CCDC91: variants seen among roughly 807,000 people sequenced by gnomAD.
CCDC91 encodes the protein coiled-coil domain containing 91.
A neutral mutation model predicts 63.2 loss-of-function variants in CCDC91; 48 were observed. That is an observed-to-expected ratio of 0.76 (90% CI 0.60 to 0.97). CCDC91 has a LOEUF of 0.97. Ranked by LOEUF, CCDC91 falls within the 50% of genes least tolerant of loss-of-function variation. The pLI, the probability that CCDC91 is intolerant of heterozygous loss-of-function variation, is 0.00. For synonymous variants in CCDC91, 167 were observed against 165.8 expected (o/e 1.01, Z -0.06); for missense variants, 500 against 494.6 (o/e 1.01, Z -0.10).
intron 3 of CCDC91, among the ~76,000 whole-genome samples, chr12:28,301,445 G>T (rs939182668): frequency 3.3e-5 from 5 of 151,116 alleles, no homozygotes; most frequent in Non-Finnish European, 7.4e-5. Context: ...ATTTTAATAT[G>T]GTGCTGGATT....
chr12:28,505,439 C>T (rs561336783), intron 12 of CCDC91: 3 of 151,930 alleles, frequency 2.0e-5, no homozygotes, highest in African/African-American at 4.8e-5. Flanking sequence ...CGTCTGATCT[C>T]GGAAGCTAAG....
At chr12:28,253,850 C>T (rs988693471) in intron 1 of CCDC91, among the ~76,000 whole-genome samples, 1 of 152,166 alleles carries the variant, frequency 6.6e-6, no homozygotes, top group African/African-American at 2.4e-5. Context: ...TTTAATGATG[C>T]TTCCAACCAG....
intron 6 of CCDC91, among the ~76,000 whole-genome samples, chr12:28,349,349 A>G (rs539480964): frequency 1.3e-5 from 2 of 152,246 alleles, no homozygotes; most frequent in South Asian, 4.2e-4. Context: ...CTCTATGCTG[A>G]CAAATGGGGC....
intron 3 of CCDC91, among the ~76,000 whole-genome samples, chr12:28,277,191 A>G (rs1283204939): frequency 6.6e-6 from 1 of 152,118 alleles, no homozygotes; most frequent in Non-Finnish European, 1.5e-5. Context: ...CAATAACCCC[A>G]AAACTGACCT....
At chr12:28,359,484 T>A (rs962488149) in intron 6 of CCDC91, among the ~76,000 whole-genome samples, 4 of 152,134 alleles carry the variant, frequency 2.6e-5, no homozygotes, top group Non-Finnish European at 5.9e-5. Context: ...ATAGGTATTG[T>A]CAAGAAAGAA....
intron 12 of CCDC91, 27 bp from the exon 13 acceptor site, chr12:28,549,034 TTC>T: frequency 7.6e-6 from 11 of 1,445,874 alleles, no homozygotes; most frequent in South Asian, 1.2e-5. Flanking sequence ...TTTTTTCTCT[TTC>T]TCTCTCTCTT....
At chr12:28,491,861 T>TTGTGTGTGTG (rs35451448) in intron 12 of CCDC91, among the ~76,000 whole-genome samples, 2 of 145,142 alleles carry the variant, frequency 1.4e-5, no homozygotes, top group African/African-American at 5.1e-5. Flanking sequence ...GTCAAAAATT[T>TTGTGTGTGTG]TGTGTGTGTG....
At chr12:28,402,676 G>C (rs936269824) in intron 8 of CCDC91, among the ~76,000 whole-genome samples, 1 of 150,870 alleles carries the variant, frequency 6.6e-6, no homozygotes, top group African/African-American at 2.4e-5. Flanking sequence ...GGATTTCAGT[G>C]CAATGTTGAA....
intron 8 of CCDC91, among the ~76,000 whole-genome samples, chr12:28,436,886 C>T (rs1043456072): frequency 1.3e-5 from 2 of 151,730 alleles, no homozygotes; most frequent in Non-Finnish European, 2.9e-5. Context: ...TTTAAAATGC[C>T]CATCGCCTTA....
At chr12:28,353,323 G>A (rs978932138) in intron 6 of CCDC91, among the ~76,000 whole-genome samples, 8 of 152,144 alleles carry the variant, frequency 5.3e-5, no homozygotes, top group African/African-American at 9.7e-5. Flanking sequence ...CAATAAGGCT[G>A]TATCACTTTC....
At position 28,345,693 on chromosome 12, in the gene CCDC91, C is replaced by T. The variant is rs75674504; in HGVS notation, c.577-16745C>T. Reference sequence around the variant, plus strand: ...TCCTGCCATTTTTCTGGTGCCCCAACAGCAATTACTTTCAACTTTTAAAAT... The same window carrying T: ...TCCTGCCATTTTTCTGGTGCCCCAATAGCAATTACTTTCAACTTTTAAAAT... On this transcript the variant is annotated intron_variant, in intron 6 of 12. Coordinates refer to ENST00000536442, the MANE Select transcript of CCDC91 (RefSeq NM_018318.5). Among the ~76,000 whole-genome samples, 483 of 152,214 alleles carry T rather than the reference C, an allele frequency of 3.2e-3. 7 individuals carry two copies. Among genetic ancestry groups the T allele is most frequent in the African/African-American group, 0.011 (450 of 41,560 alleles).
Position 28,268,606 on chromosome 12 carries a change from C to A in CCDC91, c.109+9164C>A, listed in dbSNP as rs886112937. 6.2e-6 allele frequency: 6 copies of A among 965,108 alleles called. No individual in the cohort carries two copies. The East Asian group carries it at 6.9e-4, about 111-fold the overall frequency. The allele number at this position is 965,108 out of a possible 1,614,324, so 59.8% of individuals were successfully genotyped here. On this transcript the variant is annotated intron_variant, in intron 3 of 12. Transcript: ENST00000536442. Reference sequence around the variant, plus strand: ...CTTTGGTTCTGGAATTCTTCTTGTTCGTTAGAATGAGGGCTCCATTATTTT... The same window carrying A: ...CTTTGGTTCTGGAATTCTTCTTGTTAGTTAGAATGAGGGCTCCATTATTTT...
At chr12:28,365,924 C>T (rs986695264) in intron 7 of CCDC91, among the ~76,000 whole-genome samples, 3 of 152,102 alleles carry the variant, frequency 2.0e-5, no homozygotes, top group African/African-American at 7.2e-5. Context: ...TTATCCTGGA[C>T]TAGATGTAAT....
chr12:28,513,848 T>C (rs1295707108), intron 12 of CCDC91, among the ~76,000 whole-genome samples: 4 of 151,882 alleles, frequency 2.6e-5, no homozygotes, highest in African/African-American at 9.7e-5. Flanking sequence ...ACATTTTCTT[T>C]ATCCAGTCTG....
At chr12:28,444,982 T>C (rs1949424900) in intron 8 of CCDC91, among the ~76,000 whole-genome samples, 1 of 152,208 alleles carries the variant, frequency 6.6e-6, no homozygotes, top group African/African-American at 2.4e-5. Flanking sequence ...TTCTCACTTC[T>C]TTATTAGCTA....
intron 6 of CCDC91, among the ~76,000 whole-genome samples, chr12:28,331,791 C>T (rs2137693644): frequency 6.6e-6 from 1 of 152,068 alleles, no homozygotes; most frequent in Non-Finnish European, 1.5e-5. Flanking sequence ...GGCTTGGAAA[C>T]CAAACAGATT....
chr12:28,548,106 A>C (rs1943109783), intron 12 of CCDC91, among the ~76,000 whole-genome samples: 1 of 152,060 alleles, frequency 6.6e-6, no homozygotes, highest in Non-Finnish European at 1.5e-5. Context: ...TACCATCCAG[A>C]GAGTTCTTTA....
intron 1 of CCDC91, among the ~76,000 whole-genome samples, chr12:28,221,615 A>G (rs1441697079): frequency 1.3e-5 from 2 of 152,170 alleles, no homozygotes; most frequent in African/African-American, 4.8e-5. Flanking sequence ...CCTTTTGTTT[A>G]GGTCTAATAC....
chr12:28,344,709 T>TA (rs1243006647), intron 6 of CCDC91, among the ~76,000 whole-genome samples: 1 of 152,190 alleles, frequency 6.6e-6, no homozygotes, highest in Non-Finnish European at 1.5e-5. Flanking sequence ...AGATTGTTGT[T>TA]ATCTGTTTTA....
Sources: gnomAD v4.1 joint callset for allele counts (sites outside exome capture counted in the v4.1 genomes callset) on GRCh38, gnomAD v4.1.1 for gene constraint, MANE v1.5 for transcripts, NCBI Gene and HGNC (gene_info 2026-07-23, HGNC 2026-07-21) for gene names.